The following RASIP1 variants were observed in gnomAD, a reference collection of about 807,000 sequenced individuals.
RASIP1 encodes the protein Ras interacting protein 1.
In RASIP1, 20 loss-of-function variants were observed where a neutral mutation model predicts 85.3. That is an observed-to-expected ratio of 0.23 (90% confidence interval 0.17 to 0.34). The LOEUF (loss-of-function observed/expected upper bound fraction) is 0.34. Ranked by LOEUF, RASIP1 falls within the 10% of genes least tolerant of loss-of-function variation. The pLI is 1.00. For synonymous variants in RASIP1, 617 were observed against 647.1 expected, an observed-to-expected ratio of 0.95 and a Z score of 0.71; for missense variants, 1,170 against 1,390.9, an observed-to-expected ratio of 0.84 and a Z score of 2.53.
chr19:48,739,087 G>A lies in RASIP1; in HGVS notation c.696C>T (p.Ser232=), dbSNP rs951936409. Residue 232 remains serine, a synonymous_variant, in exon 3 of 12, where the codon TCC becomes TCT. Transcript: ENST00000222145. The surrounding 1 kb of genome is among the most constrained non-coding windows in gnomAD (Gnocchi z 9.2). The part of the protein sequence containing the change: ...RAEHLRVLGD[S]ERPLLVQELW... ...GCTCCTGCACCAGCAGCGGGCGCTC[G>A]GAGTCGCCCAGCACGCGCAGGTGCT... The A allele has an allele frequency of 3.1e-6, 4 of 1,297,776 alleles. No homozygotes were observed. Among genetic ancestry groups the A allele is most frequent in the South Asian group, 4.6e-5 (2 of 43,376 alleles). The allele number at this position is 1,297,776 out of a possible 1,614,324, so 80.4% of individuals were successfully genotyped here. A position where few individuals can be genotyped will look rare whatever the true frequency, so the allele number is the denominator to read the frequency against.
At position 48,738,696 on chromosome 19, in the gene RASIP1, TA is replaced by T; in HGVS notation, c.823+263del. The T allele has an allele frequency of 3.1e-6, 1 of 325,398 alleles. No individual in the cohort carries two copies. Among genetic ancestry groups the T allele is most frequent in the Non-Finnish European group, 5.3e-6 (1 of 189,248 alleles). The allele number at this position is 325,398 out of a possible 1,614,324, so 20.2% of individuals were successfully genotyped here. On this transcript the variant is annotated intron_variant, in intron 3 of 11. Transcript: ENST00000222145. The surrounding 1 kb of genome is among the most constrained non-coding windows in gnomAD (Gnocchi z 4.0). ...ACCAGCAACCAGCCCCCGTCCCGCC[TA>T]AGCCCCAAGCTTGGCCCCTGTAAAA...
Position 48,724,841 on chromosome 19 carries a change from G to A in RASIP1, c.2247C>T (p.Gly749=), listed in dbSNP as rs1027710127. 11 of 1,614,124 alleles carry A rather than the reference G, an allele frequency of 6.8e-6. No homozygotes were observed. The highest frequency in any genetic ancestry group is 5.0e-5 in the Admixed American group (3 of 60,012). The stretch of plus-strand genomic sequence containing the variant: ...TCAGCTCCAAGGCTGCCTGGAACAC[G>A]CCCAGGGTAGGTCTCAATCCTGGAG... ...AMPPGLRPTL[G]VFQAALELTS... Residue 749 remains glycine, a synonymous_variant, in exon 9 of 12, where the codon GGC becomes GGT. Coordinates refer to ENST00000222145, the MANE Select transcript of RASIP1 (RefSeq NM_017805.3). This position sits in a 1 kb window ranked among gnomAD's most constrained non-coding sequence, Gnocchi z 4.6.
chr19:48,726,284 T>G (rs2033342036), intron 8 of RASIP1, among the ~76,000 whole-genome samples: 1 of 152,158 alleles, frequency 6.6e-6, no homozygotes, highest in Non-Finnish European at 1.5e-5. Flanking sequence ...TGCAGTGGCA[T>G]GAAGTAATCT....
chr19:48,734,759 T>A (rs2033538347), intron 4 of RASIP1, among the ~76,000 whole-genome samples: 1 of 152,120 alleles, frequency 6.6e-6, no homozygotes, highest in Admixed American at 6.5e-5. Context: ...AGTGCTGGGA[T>A]AACAGGCGTG....
Position 48,729,335 on chromosome 19 carries a change from G to C in RASIP1, c.1435C>G (p.Leu479Val). The C allele has an allele frequency of 6.4e-7, 1 of 1,560,640 alleles. No homozygotes were observed. Among genetic ancestry groups the C allele is most frequent in the Non-Finnish European group, 8.7e-7 (1 of 1,153,088 alleles). Residue 479 changes from leucine to valine, a missense_variant, in exon 5 of 12, where the codon CTG becomes GTG. Coordinates refer to ENST00000222145, the MANE Select transcript of RASIP1 (RefSeq NM_017805.3). ...TACATGAACAGGAAGTGCTCGCCCA[G>C]CCCCAGGAGGTCGCCCGGGTGCAGC... ...AELHPGDLLG[L>V]GEHFLFMYKD...
At position 48,729,303 on chromosome 19, in the gene RASIP1, G is replaced by T. The variant is rs1362003057; in HGVS notation, c.1467C>A (p.Asp489Glu). ...CAGGCCCCGAGCCCCCAGTGCGGGG[G>T]TCCTTGTACATGAACAGGAAGTGCT... Reference protein sequence around the residue: ...LGEHFLFMYKDPRTGGSGPAR... With the variant: ...LGEHFLFMYKEPRTGGSGPAR... The change falls in exon 5 of 12, where the codon GAC becomes GAA. Residue 489 changes from aspartate to glutamate, a missense_variant. This residue lies in a region of RASIP1 where 426 missense variants were observed against 576.2 expected (regional missense o/e 0.74). Transcript: ENST00000222145. 6.4e-7 allele frequency: 1 copy of T among 1,556,076 alleles called. No individual in the cohort carries two copies. The highest frequency in any genetic ancestry group is 8.7e-7 in the Non-Finnish European group (1 of 1,150,666).
intron 4 of RASIP1, among the ~76,000 whole-genome samples, chr19:48,733,633 CCT>C (rs1481173386): frequency 6.6e-6 from 1 of 152,026 alleles, no homozygotes; most frequent in Non-Finnish European, 1.5e-5. Context: ...ATGGCGACAC[CCT>C]GTCTCTACTA....
chr19:48,737,868 CATT>C, intron 3 of RASIP1: 1 of 984,326 alleles, frequency 1.0e-6, no homozygotes, highest in Non-Finnish European at 1.2e-6. Context: ...CTCCCAAGAA[CATT>C]GTCCGTGCTT....
intron 8 of RASIP1, chr19:48,725,168 C>T: frequency 1.7e-6 from 1 of 577,146 alleles, no homozygotes. Flanking sequence ...AAGATCACCT[C>T]TTGTGCATTG....
chr19:48,731,450 T>A (rs1223901072), intron 4 of RASIP1, among the ~76,000 whole-genome samples: 1 of 152,088 alleles, frequency 6.6e-6, no homozygotes, highest in Non-Finnish European at 1.5e-5. Context: ...TCCAAAAAGA[T>A]CTCCATACAG....
intron 5 of RASIP1, among the ~76,000 whole-genome samples, chr19:48,727,682 CTTTTT>C (rs778318979): frequency 8.2e-6 from 1 of 121,800 alleles, no homozygotes; most frequent in Admixed American, 8.7e-5. Context: ...CATACGGATT[CTTTTT>C]TTTTTTTTTT....
At chr19:48,736,144 G>A (rs1307847852) in intron 3 of RASIP1, among the ~76,000 whole-genome samples, 28 of 151,534 alleles carry the variant, frequency 1.8e-4, no homozygotes, top group African/African-American at 6.5e-4. Context: ...GGCCGGGTGC[G>A]GTGGCTCACG....
chr19:48,724,647 G>A lies in RASIP1; in HGVS notation c.2371+70C>T, dbSNP rs2033310280. On this transcript the variant is annotated intron_variant, in intron 9 of 11. Transcript: ENST00000222145. This position sits in a 1 kb window ranked among gnomAD's most constrained non-coding sequence, Gnocchi z 4.6. ...CAAAGGTGAGGCTTGAGCCCGTGGTGTGTCTAATATGACCTGAGTCTCAGT... is the reference window on the plus strand; with the variant it reads ...CAAAGGTGAGGCTTGAGCCCGTGGTATGTCTAATATGACCTGAGTCTCAGT... The A allele has an allele frequency of 6.3e-7, 1 of 1,594,332 alleles. No individual in the cohort carries two copies. Among genetic ancestry groups the A allele is most frequent in the Non-Finnish European group, 8.6e-7 (1 of 1,168,160 alleles).
At chr19:48,736,991 G>A (rs902403560) in intron 3 of RASIP1, among the ~76,000 whole-genome samples, 9 of 152,142 alleles carry the variant, frequency 5.9e-5, no homozygotes, top group Non-Finnish European at 7.4e-5. Flanking sequence ...AGCCATGATC[G>A]TGCCACTGCA....
intron 4 of RASIP1, 74 bp from the exon 5 acceptor site, chr19:48,729,664 A>G: frequency 1.4e-6 from 2 of 1,450,356 alleles, no homozygotes; most frequent in South Asian, 2.6e-5. Flanking sequence ...TCTGTTTTCT[A>G]CAACAACTTT....
chr19:48,722,106 C>G, intron 10 of RASIP1, 105 bp from the exon 11 acceptor site: 1 of 1,156,962 alleles, frequency 8.6e-7, no homozygotes, highest in East Asian at 2.9e-5. Context: ...AAGATAATGG[C>G]ATCTCTGCAG....
At chr19:48,727,847 C>T (rs1473015947) in intron 5 of RASIP1, among the ~76,000 whole-genome samples, 1 of 151,814 alleles carries the variant, frequency 6.6e-6, no homozygotes, top group Non-Finnish European at 1.5e-5. Context: ...CTACCATGCC[C>T]GGCTAATTTT....
intron 4 of RASIP1, among the ~76,000 whole-genome samples, chr19:48,730,563 C>T (rs916312260): frequency 2.6e-5 from 4 of 152,178 alleles, no homozygotes; most frequent in African/African-American, 7.2e-5. Flanking sequence ...CAACTACCCT[C>T]ACCCTCAAAG....
intron 4 of RASIP1, among the ~76,000 whole-genome samples, chr19:48,732,882 A>G (rs2033489225): frequency 6.6e-6 from 1 of 152,206 alleles, no homozygotes; most frequent in East Asian, 1.9e-4. Context: ...GAACTGTCGA[A>G]TAAGCTACAC....
Sources: gnomAD v4.1 joint callset for allele counts (sites outside exome capture counted in the v4.1 genomes callset) on GRCh38, gnomAD v4.1.1 for gene constraint, gnomAD v4.1.1 regional missense constraint, Gnocchi (gnomAD v3.1) non-coding constraint, MANE v1.5 for transcripts, NCBI Gene and HGNC (gene_info 2026-07-23, HGNC 2026-07-21) for gene names.